Variants in CAPRIN1 observed in about 807,000 individuals in gnomAD.
CAPRIN1 encodes the protein cell cycle associated protein 1, also known as caprin-1.
In CAPRIN1, 29 loss-of-function variants were observed where a neutral mutation model predicts 100.9. The observed-to-expected ratio is 0.29, with a 90% CI of 0.21 to 0.39. The LOEUF (loss-of-function observed/expected upper bound fraction) is 0.39, where lower values mean the gene tolerates loss of function less well. Among genes scored for constraint, CAPRIN1 ranks in the 10% least tolerant of loss-of-function variants. The pLI is 1.00. For missense variants in CAPRIN1, 795 were observed against 876.7 expected (o/e 0.91, Z 1.18); for synonymous variants, 338 against 307.5 (o/e 1.10, Z -1.04).
Position 34,101,078 on chromosome 11 carries a change from C to A in CAPRIN1, c.*1711C>A, listed in dbSNP as rs1292942231. The A allele has an allele frequency of 6.6e-6, 1 of 152,504 alleles. No individual in the cohort carries two copies. The highest frequency in any genetic ancestry group is 1.5e-5 in the Non-Finnish European group (1 of 68,006). The allele number at this position is 152,504 out of a possible 1,614,324, so 9.4% of individuals were successfully genotyped here. A position where few individuals can be genotyped will look rare whatever the true frequency, so the allele number is the denominator to read the frequency against. On this transcript the variant is annotated 3_prime_UTR_variant, in exon 19 of 19. Transcript: ENST00000341394. The stretch of plus-strand genomic sequence containing the variant: ...GATAGGCTGTTGAACATTCCACATT[C>A]AAAAGTTTTGTAGGGTGGTGGGAAA...
intron 2 of CAPRIN1, among the ~76,000 whole-genome samples, chr11:34,069,984 C>G (rs1286482146): frequency 6.6e-6 from 1 of 151,254 alleles, no homozygotes; most frequent in Non-Finnish European, 1.5e-5. Flanking sequence ...TCTGAATGCC[C>G]TTTATTAGAA....
chr11:34,081,941 A>G (rs1590737431), intron 7 of CAPRIN1, among the ~76,000 whole-genome samples: 1 of 151,918 alleles, frequency 6.6e-6, no homozygotes, highest in Non-Finnish European at 1.5e-5. Context: ...CCTTCCCAGT[A>G]GCTGGTATTA....
intron 15 of CAPRIN1, among the ~76,000 whole-genome samples, chr11:34,094,400 G>T (rs1319943323): frequency 6.6e-6 from 1 of 152,162 alleles, no homozygotes; most frequent in African/African-American, 2.4e-5. Flanking sequence ...CATCATTTTA[G>T]AAATTTTATT....
intron 11 of CAPRIN1, 63 bp downstream of exon 11, chr11:34,086,476 A>G: frequency 1.1e-6 from 1 of 945,890 alleles, no homozygotes; most frequent in South Asian, 1.6e-5. Flanking sequence ...AGGTTTTAAA[A>G]AGATTGTGAA....
chr11:34,079,910 T>TTG, intron 7 of CAPRIN1, 145 bp downstream of exon 7: 1 of 1,580 alleles, frequency 6.3e-4, no homozygotes, highest in African/African-American at 6.4e-3. Context: ...ACAAAGTTTT[T>TTG]TTTTTTTTTT....
chr11:34,075,604 G>A (rs1392504864), intron 4 of CAPRIN1, among the ~76,000 whole-genome samples: 1 of 152,198 alleles, frequency 6.6e-6, no homozygotes, highest in East Asian at 1.9e-4. Context: ...GATTATTTGG[G>A]ACAAAGGGGC....
chr11:34,098,345 T>C, intron 18 of CAPRIN1: 2 of 984,382 alleles, frequency 2.0e-6, no homozygotes, highest in Non-Finnish European at 2.4e-6. Context: ...CTTATTGAGC[T>C]ATACTTAAAA....
Position 34,090,213 on chromosome 11 carries a change from C to T in CAPRIN1, c.1328C>T (p.Thr443Ile), listed in dbSNP as rs769524535. Residue 443 changes from threonine to isoleucine, a missense_variant, in exon 13 of 19, where the codon ACA becomes ATA. By Grantham distance (89) the Thr-to-Ile change is moderately conservative. Transcript: ENST00000341394. ...GTATCATCCACAAGTGAGGGGTACA[C>T]AGCATCTCAACCCTTGTACCAGCCT... ...PLVSSTSEGY[T>I]ASQPLYQPSH... 1.5e-5 allele frequency: 25 copies of T among 1,613,252 alleles called. No homozygotes were observed. In the Admixed American group the frequency reaches 4.2e-4, roughly 27 times the overall value.
At position 34,099,487 on chromosome 11, in the gene CAPRIN1, T is replaced by A. The variant is rs1358274248; in HGVS notation, c.*120T>A. The stretch of plus-strand genomic sequence containing the variant: ...TTCAGGAAACTTATTGTAAAGGGAC[T>A]GTTTTCATCCCATAAAGACAGGACT... On this transcript the variant is annotated 3_prime_UTR_variant, in exon 19 of 19. Transcript: ENST00000341394. The A allele has an allele frequency of 3.7e-6, 3 of 809,148 alleles. No homozygotes were observed. The highest frequency in any genetic ancestry group is 6.2e-6 in the Non-Finnish European group (3 of 480,848). The allele number at this position is 809,148 out of a possible 1,614,324, so 50.1% of individuals were successfully genotyped here. A position where few individuals can be genotyped will look rare whatever the true frequency, so the allele number is the denominator to read the frequency against.
rs1255696236 is a variant in CAPRIN1 at position 34,102,276 on chromosome 11, T to G, written c.*2909T>G. Among the ~76,000 whole-genome samples the G allele has an allele frequency of 6.6e-6, 1 of 152,214 alleles. No individual in the cohort carries two copies. Among genetic ancestry groups the G allele is most frequent in the Non-Finnish European group, 1.5e-5 (1 of 68,032 alleles). ...CTAAGTGTTTTAGGACATTTGTTCA[T>G]TATATTTTCCGTCATATAACTAGAG... On this transcript the variant is annotated 3_prime_UTR_variant, in exon 19 of 19. Coordinates refer to ENST00000341394, the MANE Select transcript of CAPRIN1 (RefSeq NM_005898.5).
chr11:34,087,292 G>C (rs1851165634), intron 11 of CAPRIN1, among the ~76,000 whole-genome samples: 1 of 151,398 alleles, frequency 6.6e-6, no homozygotes, highest in South Asian at 2.1e-4. Context: ...AAGGTAGTTA[G>C]GATTTTTCTG....
chr11:34,053,234 C>T, intron 2 of CAPRIN1: 1 of 834,986 alleles, frequency 1.2e-6, no homozygotes, highest in Non-Finnish European at 1.4e-6. Flanking sequence ...CTTCGATTTG[C>T]TACCCCCGCG....
At position 34,089,405 on chromosome 11, in the gene CAPRIN1, A is replaced by G; in HGVS notation, c.1242A>G (p.Glu414=). The G allele has an allele frequency of 6.2e-7, 1 of 1,607,082 alleles. No individual in the cohort carries two copies. The highest frequency in any genetic ancestry group is 8.5e-7 in the Non-Finnish European group (1 of 1,175,562). Residue 414 remains glutamate (E), a synonymous_variant, in exon 12 of 19, where the codon GAA becomes GAG. Transcript: ENST00000341394. Reference sequence around the variant, plus strand: ...TGGTCACCTTTGCAGTTCATTCTGAATCTAGACTTGCTCAGCCTAATCAAG... The same window carrying G: ...TGGTCACCTTTGCAGTTCATTCTGAGTCTAGACTTGCTCAGCCTAATCAAG... ...PQLVCPPVHS[E]SRLAQPNQVP...
At chr11:34,091,289 TA>T (rs1326428963) in intron 14 of CAPRIN1, among the ~76,000 whole-genome samples, 4 of 152,302 alleles carry the variant, frequency 2.6e-5, no homozygotes, top group Middle Eastern at 6.8e-3. Flanking sequence ...GAGTTTGTCT[TA>T]TTTATTTATT....
intron 11 of CAPRIN1, among the ~76,000 whole-genome samples, chr11:34,088,271 G>T (rs1213811404): frequency 2.6e-5 from 4 of 152,090 alleles, no homozygotes; most frequent in Non-Finnish European, 4.4e-5. Context: ...CCAAAGTGCT[G>T]GGATTACAAG....
intron 2 of CAPRIN1, among the ~76,000 whole-genome samples, chr11:34,054,291 T>C (rs1397553811): frequency 1.3e-5 from 2 of 152,338 alleles, no homozygotes; most frequent in Non-Finnish European, 1.5e-5. Flanking sequence ...ATAGTAAATG[T>C]AGTTACATCA....
intron 2 of CAPRIN1, among the ~76,000 whole-genome samples, chr11:34,065,225 G>A (rs2134095224): frequency 6.6e-6 from 1 of 152,218 alleles, no homozygotes; most frequent in Middle Eastern, 3.4e-3. Context: ...GCCTCCCAAA[G>A]TGCTGGGATT....
rs142242827 is a variant in CAPRIN1 at position 34,096,725 on chromosome 11, T to A, written c.1900+52T>A. 1.1e-3 allele frequency: 1,564 copies of A among 1,405,688 alleles called. 28 individuals are homozygous for A. In the East Asian group the frequency reaches 0.033, roughly 29 times the overall value. 87.1% of individuals were successfully genotyped at this position (1,405,688 alleles called of 1,614,324 possible). ...ATGACCTTTTACTAGTTCAAATTAT[T>A]TTTTGATTTGTAAAATATATCACAC... On this transcript the variant is annotated intron_variant, in intron 16 of 18. Coordinates refer to ENST00000341394, the MANE Select transcript of CAPRIN1 (RefSeq NM_005898.5).
At chr11:34,067,122 A>G (rs960653906) in intron 2 of CAPRIN1, among the ~76,000 whole-genome samples, 1 of 151,744 alleles carries the variant, frequency 6.6e-6, no homozygotes, top group Non-Finnish European at 1.5e-5. Flanking sequence ...TAGAGACGAG[A>G]TTTTGTCATG....
Sources: gnomAD v4.1 joint callset for allele counts (sites outside exome capture counted in the v4.1 genomes callset) on GRCh38, gnomAD v4.1.1 for gene constraint, MANE v1.5 for transcripts, NCBI Gene and HGNC (gene_info 2026-07-23, HGNC 2026-07-21) for gene names.